The following UGT1A8 variants were observed in gnomAD, a reference collection of about 807,000 sequenced individuals.
UGT1A8 encodes UDP-glucuronosyltransferase 1A8.
A neutral mutation model predicts 45.3 loss-of-function variants in UGT1A8; 39 were observed. The ratio of observed to expected loss-of-function variants is 0.86; its 90% confidence interval spans 0.67 to 1.12. The LOEUF is 1.12. UGT1A8 is among the 50% of genes most tolerant of loss of function. The pLI, the probability that UGT1A8 is intolerant of heterozygous loss-of-function variation, is 0.00. For synonymous variants in UGT1A8, 275 were observed against 249.2 expected (o/e 1.10, Z -0.97); for missense variants, 719 against 664.9 (o/e 1.08, Z -0.90).
chr2:233,658,737 TC>T (rs1274005122), intron 1 of UGT1A8, among the ~76,000 whole-genome samples: 1 of 152,248 alleles, frequency 6.6e-6, no homozygotes, highest in Non-Finnish European at 1.5e-5. Flanking sequence ...AGTAGTCTTT[TC>T]TCCACTGAAT....
chr2:233,681,190 C>T lies in UGT1A8; in HGVS notation c.855+62628C>T, dbSNP rs147952839. ...GCTAAGACCCTTGCTCTCTTTCCGTCGAACATGAGATGCCAATTTCTTTCT... is the reference window on the plus strand; with the variant it reads ...GCTAAGACCCTTGCTCTCTTTCCGTTGAACATGAGATGCCAATTTCTTTCT... On this transcript the variant is annotated intron_variant, in intron 1 of 4. Coordinates refer to ENST00000373450, the MANE Select transcript of UGT1A8 (RefSeq NM_019076.5). Among the ~76,000 whole-genome samples the T allele has an allele frequency of 3.9e-5, 6 of 151,964 alleles. No homozygotes were observed. In the East Asian group the frequency reaches 9.8e-4, roughly 25 times the overall value.
chr2:233,636,344 A>G, intron 1 of UGT1A8: 2 of 1,132,028 alleles, frequency 1.8e-6, no homozygotes, highest in Non-Finnish European at 2.4e-6. Flanking sequence ...TCAGCAAATG[A>G]TACTCGTGTG....
intron 1 of UGT1A8, among the ~76,000 whole-genome samples, chr2:233,663,866 C>G (rs998383106): frequency 1.3e-5 from 2 of 152,152 alleles, no homozygotes; most frequent in African/African-American, 2.4e-5. Context: ...CACCATTCCT[C>G]TTTTTGATTC....
At chr2:233,760,719 C>A in intron 1 of UGT1A8, 4 of 1,614,206 alleles carry the variant, frequency 2.5e-6, no homozygotes, top group Non-Finnish European at 3.4e-6. Flanking sequence ...CAGAAAGCAG[C>A]TTTGATGTCA....
intron 1 of UGT1A8, among the ~76,000 whole-genome samples, chr2:233,669,038 C>T (rs565395015): frequency 6.6e-6 from 1 of 152,306 alleles, no homozygotes; most frequent in South Asian, 2.1e-4. Flanking sequence ...AGGAGGAAGA[C>T]CACAAGGTAA....
chr2:233,696,195 C>T (rs17864691), intron 1 of UGT1A8, among the ~76,000 whole-genome samples: 5,737 of 152,230 alleles, frequency 0.038, 134 homozygotes, highest in Non-Finnish European at 0.059. Flanking sequence ...ATCTGCACTC[C>T]CATGTTTATT....
chr2:233,687,732 G>C (rs1405832632), intron 1 of UGT1A8, among the ~76,000 whole-genome samples: 1 of 151,936 alleles, frequency 6.6e-6, no homozygotes, highest in Non-Finnish European at 1.5e-5. Context: ...GGGAGACACT[G>C]TCTCTACAAA....
At chr2:233,638,644 G>A (rs1235883119) in intron 1 of UGT1A8, among the ~76,000 whole-genome samples, 1 of 151,878 alleles carries the variant, frequency 6.6e-6, no homozygotes, top group African/African-American at 2.4e-5. Flanking sequence ...TGAAACACCT[G>A]GTGTCTCATC....
At chr2:233,721,036 A>G (rs1265033546) in intron 1 of UGT1A8, among the ~76,000 whole-genome samples, 1 of 152,110 alleles carries the variant, frequency 6.6e-6, no homozygotes, top group African/African-American at 2.4e-5. Context: ...TTGTGAGAGA[A>G]TTGAGCCCTT....
chr2:233,702,191 C>T (rs1424495511), intron 1 of UGT1A8, among the ~76,000 whole-genome samples: 1 of 152,184 alleles, frequency 6.6e-6, no homozygotes. Flanking sequence ...TCCTCCAGCC[C>T]CTGGCAGCCA....
intron 1 of UGT1A8, chr2:233,729,086 A>G: frequency 6.2e-7 from 1 of 1,612,434 alleles, no homozygotes; most frequent in African/African-American, 1.3e-5. Flanking sequence ...TAGCAGGCAC[A>G]GCGTGGGGTG....
chr2:233,743,692 G>C, intron 1 of UGT1A8: 2 of 1,367,218 alleles, frequency 1.5e-6, no homozygotes, highest in Non-Finnish European at 2.0e-6. Context: ...CTGTGCAGCC[G>C]CCCTCCGCCC....
chr2:233,772,291 G>A lies in UGT1A8; in HGVS notation c.1325G>A (p.Ser442Asn), dbSNP rs1248654212. 6.2e-7 allele frequency: 1 copy of A among 1,614,228 alleles called. No individual in the cohort carries two copies. The highest frequency in any genetic ancestry group is 1.1e-5 in the South Asian group (1 of 91,084). The change falls in exon 5 of 5, where the codon AGC becomes AAC. Residue 442 changes from serine (S) to asparagine (N), a missense_variant. Ser to Asn is a conservative substitution (Grantham distance 46, BLOSUM62 1). Transcript: ENST00000373450. ...SYKENIMRLS[S>N]LHKDRPVEPL... ...AAGGAGAACATCATGCGCCTCTCCAGCCTTCACAAGGACCGCCCGGTGGAG... is the reference window on the plus strand; with the variant it reads ...AAGGAGAACATCATGCGCCTCTCCAACCTTCACAAGGACCGCCCGGTGGAG...
intron 1 of UGT1A8, among the ~76,000 whole-genome samples, chr2:233,719,879 C>A (rs573880021): frequency 1.3e-5 from 2 of 152,076 alleles, no homozygotes; most frequent in Non-Finnish European, 2.9e-5. Flanking sequence ...AGAAGAGGCA[C>A]GGATGAGGGT....
At chr2:233,663,629 T>TACAAAGGGAATCTAGTCCC (rs1269072891) in intron 1 of UGT1A8, among the ~76,000 whole-genome samples, 1 of 152,184 alleles carries the variant, frequency 6.6e-6, no homozygotes, top group Admixed American at 6.5e-5. Flanking sequence ...ATGCTAGTCC[T>TACAAAGGGAATCTAGTCCC]ACAAAGGGAA....
In UGT1A8 at chr2:233,618,121, G is replaced by A. The variant is rs1201159048; in HGVS notation, c.414G>A (p.Lys138=). The change falls in exon 1 of 5, where the codon AAG becomes AAA. Residue 138 remains lysine, a synonymous_variant. Coordinates refer to ENST00000373450, the MANE Select transcript of UGT1A8 (RefSeq NM_019076.5). ...ACCGAAAATTAGTAGAATACTTAAA[G>A]GAGAGTTCTTTTGATGCGGTGTTTC... is the stretch of plus-strand genomic sequence containing the variant. ...FNDRKLVEYL[K]ESSFDAVFLD... 3 of 1,613,958 alleles carry A rather than the reference G, an allele frequency of 1.9e-6. No individual in the cohort carries two copies. Among genetic ancestry groups the A allele is most frequent in the African/African-American group, 2.7e-5 (2 of 74,872 alleles).
chr2:233,629,712 A>G (rs955256526), intron 1 of UGT1A8, among the ~76,000 whole-genome samples: 11 of 152,232 alleles, frequency 7.2e-5, no homozygotes, highest in Middle Eastern at 3.4e-3. Context: ...TTATTCTTCA[A>G]TGTTTGCTGG....
At chr2:233,625,733 A>G (rs1415505081) in intron 1 of UGT1A8, among the ~76,000 whole-genome samples, 1 of 151,780 alleles carries the variant, frequency 6.6e-6, no homozygotes, top group Admixed American at 6.6e-5. Context: ...AGTGGGAGCT[A>G]AATAGTGGGT....
chr2:233,750,218 A>C (rs1694391813), intron 1 of UGT1A8, among the ~76,000 whole-genome samples: 1 of 151,876 alleles, frequency 6.6e-6, no homozygotes, highest in South Asian at 2.1e-4. Context: ...TCTCAGATGG[A>C]GATGAGGAAC....
Sources: allele counts gnomAD v4.1 joint callset (sites outside exome capture counted in the v4.1 genomes callset), GRCh38; gene constraint gnomAD v4.1.1; transcripts MANE v1.5; gene names NCBI Gene and HGNC (gene_info 2026-07-23, HGNC 2026-07-21).